The following LSAMP variants were observed in gnomAD, a reference collection of about 807,000 sequenced individuals.
The protein encoded by LSAMP is limbic system associated membrane protein.
Under a neutral mutation model 38.6 loss-of-function variants are expected in LSAMP, and 7 were observed. The observed-to-expected ratio is 0.18, with a 90% CI of 0.10 to 0.34. The LOEUF (loss-of-function observed/expected upper bound fraction) is 0.34, where lower values mean the gene tolerates loss of function less well. Among genes scored for constraint, LSAMP ranks in the 10% least tolerant of loss-of-function variants. The pLI, the probability that LSAMP is intolerant of heterozygous loss-of-function variation, is 1.00. For missense variants in LSAMP, 313 were observed against 420.0 expected (o/e 0.75, Z 2.23); for synonymous variants, 154 against 166.8 (o/e 0.92, Z 0.59).
chr3:116,345,129 T>C (rs2048048422), intron 1 of LSAMP, among the ~76,000 whole-genome samples: 1 of 152,142 alleles, frequency 6.6e-6, no homozygotes, highest in South Asian at 2.1e-4. Context: ...GAGATTACTA[T>C]TTGTCTGCTT....
At chr3:116,145,563 C>G (rs1484552084) in intron 1 of LSAMP, among the ~76,000 whole-genome samples, 1 of 151,880 alleles carries the variant, frequency 6.6e-6, no homozygotes, top group Non-Finnish European at 1.5e-5. Flanking sequence ...CTATTTTATT[C>G]AAAGTCTACT....
At chr3:116,255,030 T>C (rs1291774660) in intron 1 of LSAMP, among the ~76,000 whole-genome samples, 1 of 152,192 alleles carries the variant, frequency 6.6e-6, no homozygotes, top group Non-Finnish European at 1.5e-5. Context: ...AATATATCTT[T>C]ATACAGTATT....
In LSAMP at chr3:116,111,119, C is replaced by A. The variant is rs1273436575; in HGVS notation, c.156-24563G>T. Among the ~76,000 whole-genome samples the A allele has an allele frequency of 2.6e-5, 4 of 152,206 alleles. No homozygotes were observed. In the East Asian group the frequency reaches 7.7e-4, roughly 29 times the overall value. ...TGGAATGTCATCAGTTAAGGCGGGG[C>A]AGGGCCTTTTCACTTCTTTTGTGAT... is the stretch of plus-strand genomic sequence containing the variant. On this transcript the variant is annotated intron_variant, in intron 1 of 6. Coordinates refer to ENST00000490035, the MANE Select transcript of LSAMP (RefSeq NM_002338.5).
At chr3:116,241,033 CG>C (rs1161177711) in intron 1 of LSAMP, among the ~76,000 whole-genome samples, 1 of 151,928 alleles carries the variant, frequency 6.6e-6, no homozygotes, top group Non-Finnish European at 1.5e-5. Flanking sequence ...AACAATTAGC[CG>C]GGCATGGTGG....
intron 1 of LSAMP, among the ~76,000 whole-genome samples, chr3:116,269,534 T>C (rs1199370348): frequency 6.6e-6 from 1 of 152,036 alleles, no homozygotes; most frequent in African/African-American, 2.4e-5. Context: ...CTGCTGTGAG[T>C]GCTGGCTGAA....
chr3:116,413,037 C>A (rs2049000729), intron 1 of LSAMP, among the ~76,000 whole-genome samples: 1 of 152,046 alleles, frequency 6.6e-6, no homozygotes, highest in Admixed American at 6.6e-5. Flanking sequence ...CACCTGGGAA[C>A]TTGTTAGATA....
At chr3:116,011,781 A>T (rs1940334153) in intron 3 of LSAMP, among the ~76,000 whole-genome samples, 1 of 152,186 alleles carries the variant, frequency 6.6e-6, no homozygotes, top group Admixed American at 6.5e-5. Flanking sequence ...AGAAAAAGAG[A>T]CCAGGATCAT....
At chr3:115,861,144 T>G (rs531987172) in intron 3 of LSAMP, among the ~76,000 whole-genome samples, 7 of 31,880 alleles carry the variant, frequency 2.2e-4, no homozygotes, top group Non-Finnish European at 3.9e-4. Flanking sequence ...CTTCCTTCCT[T>G]CCTTCCTTCC....
chr3:116,329,892 AT>A (rs1196950863), intron 1 of LSAMP, among the ~76,000 whole-genome samples: 5 of 152,200 alleles, frequency 3.3e-5, no homozygotes, highest in Admixed American at 3.3e-4. Context: ...TTTAAAAAAA[AT>A]ACTGATAACT....
intron 1 of LSAMP, among the ~76,000 whole-genome samples, chr3:116,111,520 T>C (rs1330724289): frequency 6.6e-6 from 1 of 152,214 alleles, no homozygotes; most frequent in Non-Finnish European, 1.5e-5. Flanking sequence ...TTTCAAAATA[T>C]CTTCATTTTT....
At chr3:115,971,293 T>G (rs1044597371) in intron 3 of LSAMP, among the ~76,000 whole-genome samples, 2 of 152,214 alleles carry the variant, frequency 1.3e-5, no homozygotes, top group Non-Finnish European at 2.9e-5. Flanking sequence ...CATTAAAAGT[T>G]TCATAATAAA....
chr3:116,040,734 C>A (rs1941150622), intron 2 of LSAMP, among the ~76,000 whole-genome samples: 1 of 152,070 alleles, frequency 6.6e-6, no homozygotes, highest in Admixed American at 6.5e-5. Flanking sequence ...GGTCACTTTT[C>A]TTTTCTTCTC....
chr3:115,818,821 T>TATATAA (rs1172422801), intron 6 of LSAMP, among the ~76,000 whole-genome samples: 1 of 124,220 alleles, frequency 8.1e-6, no homozygotes, highest in Non-Finnish European at 1.7e-5. Flanking sequence ...TATATATATA[T>TATATAA]AACTGCAGCA....
chr3:116,086,875 C>T (rs1882010), intron 1 of LSAMP, among the ~76,000 whole-genome samples: 19,230 of 152,118 alleles, frequency 0.13, 1,758 homozygotes, highest in East Asian at 0.37. Flanking sequence ...CTCAGAACTC[C>T]GTCTGTTTAA....
intron 1 of LSAMP, among the ~76,000 whole-genome samples, chr3:116,232,160 G>A (rs2046408895): frequency 6.6e-6 from 1 of 152,180 alleles, no homozygotes; most frequent in East Asian, 1.9e-4. Flanking sequence ...CTCTGCATGG[G>A]TTTTAATGGT....
intron 3 of LSAMP, among the ~76,000 whole-genome samples, chr3:115,907,773 G>A (rs1180529415): frequency 6.6e-6 from 1 of 152,126 alleles, no homozygotes; most frequent in African/African-American, 2.4e-5. Context: ...TTTAATCAAA[G>A]TAAAATCACA....
At chr3:116,202,893 G>A (rs753832216) in intron 1 of LSAMP, among the ~76,000 whole-genome samples, 1 of 152,144 alleles carries the variant, frequency 6.6e-6, no homozygotes, top group Non-Finnish European at 1.5e-5. Context: ...CAATCATTAA[G>A]GGTAAGCACC....
At chr3:116,306,858 A>T (rs1055761231) in intron 1 of LSAMP, among the ~76,000 whole-genome samples, 1 of 152,032 alleles carries the variant, frequency 6.6e-6, no homozygotes, top group African/African-American at 2.4e-5. Context: ...ATGTCTCTAA[A>T]TAGAATGTTT....
rs569392861 is a variant in LSAMP at position 115,841,937 on chromosome 3, G to C, written c.827C>G (p.Thr276Arg). 5.0e-6 allele frequency: 8 copies of C among 1,613,754 alleles called. No homozygotes were observed. Among genetic ancestry groups the C allele is most frequent in the Non-Finnish European group, 5.9e-6 (7 of 1,180,008 alleles). Reference protein sequence around the residue: ...IKSTEGQSSLTVTNVTEEHYG... With the variant: ...IKSTEGQSSLRVTNVTEEHYG... Reference sequence around the variant, plus strand: ...GTGCTCCTCAGTGACGTTGGTCACCGTCAGGGAAGACTGGCCCTCCGTGCT... The same window carrying C: ...GTGCTCCTCAGTGACGTTGGTCACCCTCAGGGAAGACTGGCCCTCCGTGCT... The change falls in exon 6 of 7, where the codon ACG becomes AGG. Residue 276 changes from threonine (T) to arginine (R), a missense_variant. By Grantham distance (71) the Thr-to-Arg change is moderately conservative. Coordinates refer to ENST00000490035, the MANE Select transcript of LSAMP (RefSeq NM_002338.5).
Sources: gnomAD v4.1 joint callset for allele counts (sites outside exome capture counted in the v4.1 genomes callset) on GRCh38, gnomAD v4.1.1 for gene constraint, MANE v1.5 for transcripts, NCBI Gene and HGNC (gene_info 2026-07-23, HGNC 2026-07-21) for gene names.